The following NPM1 variants were observed in gnomAD, a reference collection of about 807,000 sequenced individuals.
The protein encoded by NPM1 is nucleophosmin.
NPM1 carries 1 observed loss-of-function variant against 44.1 expected under a neutral mutation model. The observed-to-expected ratio is 0.02, with a 90% CI of 0.01 to 0.11. The LOEUF (loss-of-function observed/expected upper bound fraction) is 0.11, where lower values mean the gene tolerates loss of function less well. Ranked by LOEUF, NPM1 falls within the 10% of genes least tolerant of loss-of-function variation. NPM1 has a pLI of 1.00. For synonymous variants in NPM1, 126 were observed against 111.8 expected (o/e 1.13, Z -0.80); for missense variants, 197 against 347.8 (o/e 0.57, Z 3.45).
intron 8 of NPM1, among the ~76,000 whole-genome samples, chr5:171,403,221 C>T (rs1771328528): frequency 1.1e-5 from 1 of 91,726 alleles, no homozygotes; most frequent in Non-Finnish European, 2.3e-5. Context: ...AACGAGCATG[C>T]TGCCTTCAAG....
At chr5:171,396,139 C>T (rs1355895146) in intron 6 of NPM1, among the ~76,000 whole-genome samples, 1 of 151,952 alleles carries the variant, frequency 6.6e-6, no homozygotes. Flanking sequence ...GCCAGCATGC[C>T]AGGCTAATTT....
intron 9 of NPM1, among the ~76,000 whole-genome samples, chr5:171,405,985 GAGGGTT>G (rs1432344851): frequency 1.3e-5 from 2 of 152,192 alleles, no homozygotes; most frequent in Non-Finnish European, 2.9e-5. Flanking sequence ...AATGTGGGAA[GAGGGTT>G]AGGTCTCTCA....
chr5:171,402,973 A>T (rs200033491), intron 8 of NPM1, among the ~76,000 whole-genome samples: 477 of 89,868 alleles, frequency 5.3e-3, no homozygotes, highest in Non-Finnish European at 5.5e-3. Context: ...TTTTCATTTT[A>T]TTTATTTATT....
At position 171,407,586 on chromosome 5, in the gene NPM1, G is replaced by GAAA. The variant is rs1188737728; in HGVS notation, c.772-111_772-109dup. On this transcript the variant is annotated intron_variant, in intron 9 of 10. Transcript: ENST00000296930. ...CGGAGTATTCTTGGAAAGTTGAAGGGAAAAAGAATAAACTGATCCATGTAG... is the reference window on the plus strand; with the variant it reads ...CGGAGTATTCTTGGAAAGTTGAAGGGAAAAAAAAGAATAAACTGATCCATGTAG... 5.7e-6 allele frequency: 4 copies of GAAA among 704,254 alleles called. No individual in the cohort carries two copies. In the African/African-American group the frequency reaches 7.3e-5, roughly 13 times the overall value. 43.6% of individuals were successfully genotyped at this position (704,254 alleles called of 1,614,324 possible).
At chr5:171,398,111 A>G (rs1771006749) in intron 6 of NPM1, among the ~76,000 whole-genome samples, 1 of 151,668 alleles carries the variant, frequency 6.6e-6, no homozygotes, top group Admixed American at 6.5e-5. Context: ...GTATTCTGCA[A>G]ACAAGTCCCT....
intron 6 of NPM1, among the ~76,000 whole-genome samples, chr5:171,396,641 T>C (rs1368369008): frequency 4.6e-5 from 7 of 152,232 alleles, no homozygotes. Flanking sequence ...TATTTGCTAA[T>C]AGAGACTTCT....
intron 9 of NPM1, 186 bp from the exon 10 acceptor site, chr5:171,407,514 A>G (rs1771636001): frequency 3.4e-6 from 2 of 592,878 alleles, no homozygotes; most frequent in Middle Eastern, 4.5e-4. Context: ...TTGAATAGAG[A>G]TACTAGCCAT....
In NPM1 at chr5:171,391,493, A is replaced by G. The variant is rs554854531; in HGVS notation, c.258+69A>G. On this transcript the variant is annotated intron_variant, in intron 3 of 10. Transcript: ENST00000296930. ...TCTGTTTTAAGGTAGGTTTGGTGTC[A>G]TTTAGTTGTGCCAAGGAGATAGAAA... is the stretch of plus-strand genomic sequence containing the variant. 7 of 1,577,364 alleles carry G rather than the reference A, an allele frequency of 4.4e-6. No homozygotes were observed. In the East Asian group the frequency reaches 1.6e-4, roughly 35 times the overall value.
At chr5:171,407,876 C>G (rs1771652739) in intron 10 of NPM1, 102 bp downstream of exon 10, 2 of 694,826 alleles carry the variant, frequency 2.9e-6, no homozygotes, top group Non-Finnish European at 2.5e-6. Context: ...TTAAAAAGTT[C>G]CTAACCACAG....
At chr5:171,392,587 T>C (rs1353841545) in intron 4 of NPM1, 123 bp from the exon 5 acceptor site, 2 of 43,294 alleles carry the variant, frequency 4.6e-5, no homozygotes, top group African/African-American at 1.5e-4. Context: ...CCATGTGCTC[T>C]TTTTTTTTTT....
chr5:171,399,373 A>G (rs59829052), intron 6 of NPM1, among the ~76,000 whole-genome samples: 61,483 of 151,944 alleles, frequency 0.4, 12,453 homozygotes, highest in East Asian at 0.55. Flanking sequence ...AGCTTTTCAA[A>G]TAGCTAGGAC....
chr5:171,387,877 G>C lies in NPM1; in HGVS notation c.-72G>C, dbSNP rs984784034. ...TCCCTGGTGTGATTCCGTCCTGCGCGGTTGTTCTCTGGAGCAGCGTTCTTT... is the reference window on the plus strand; with the variant it reads ...TCCCTGGTGTGATTCCGTCCTGCGCCGTTGTTCTCTGGAGCAGCGTTCTTT... On this transcript the variant is annotated 5_prime_UTR_variant, in exon 1 of 11. Transcript: ENST00000296930. The C allele has an allele frequency of 7.2e-6, 10 of 1,395,490 alleles. No homozygotes were observed. Among genetic ancestry groups the C allele is most frequent in the Middle Eastern group, 2.5e-4 (1 of 4,060 alleles). 86.4% of individuals were successfully genotyped at this position (1,395,490 alleles called of 1,614,324 possible). A position where few individuals can be genotyped will look rare whatever the true frequency, so the allele number is the denominator to read the frequency against.
chr5:171,405,524 C>A, intron 9 of NPM1, 121 bp downstream of exon 9: 1 of 639,470 alleles, frequency 1.6e-6, no homozygotes, highest in Non-Finnish European at 2.8e-6. Context: ...TTGCCTGGTT[C>A]GTGGTATGAA....
At chr5:171,388,379 C>G (rs1160500585) in intron 1 of NPM1, among the ~76,000 whole-genome samples, 1 of 152,296 alleles carries the variant, frequency 6.6e-6, no homozygotes, top group East Asian at 1.9e-4. Flanking sequence ...ATGCCAGGCC[C>G]CGGGTTGGTG....
chr5:171,404,729 G>A (rs139156675), intron 8 of NPM1, among the ~76,000 whole-genome samples: 5,012 of 144,254 alleles, frequency 0.035, 133 homozygotes, highest in East Asian at 0.11. Flanking sequence ...CTTCCCAGAC[G>A]GGGTGGCGGC....
At chr5:171,391,109 G>A (rs2113164993) in intron 2 of NPM1, 196 bp from the exon 3 acceptor site, 1 of 574,240 alleles carries the variant, frequency 1.7e-6, no homozygotes, top group Non-Finnish European at 3.1e-6. Flanking sequence ...TAGCCTAGGT[G>A]TGTGTAGTAG....
At chr5:171,407,558 A>T in intron 9 of NPM1, 142 bp from the exon 10 acceptor site, 1 of 656,490 alleles carries the variant, frequency 1.5e-6, no homozygotes, top group Non-Finnish European at 2.7e-6. Flanking sequence ...CCTGAAAAAG[A>T]TACGGAGTAT....
chr5:171,388,126 G>A, intron 1 of NPM1, 120 bp downstream of exon 1: 2 of 914,106 alleles, frequency 2.2e-6, no homozygotes, highest in South Asian at 2.9e-5. Context: ...CCGACGGGAG[G>A]CCTGAGCGGG....
chr5:171,395,373 C>G (rs373595817), intron 6 of NPM1, among the ~76,000 whole-genome samples: 1 of 151,688 alleles, frequency 6.6e-6, no homozygotes, highest in Non-Finnish European at 1.5e-5. Context: ...GATCTCTGCT[C>G]GCTGCAACCT....
Sources: gnomAD v4.1 joint callset for allele counts (sites outside exome capture counted in the v4.1 genomes callset) on GRCh38, gnomAD v4.1.1 for gene constraint, MANE v1.5 for transcripts, NCBI Gene and HGNC (gene_info 2026-07-23, HGNC 2026-07-21) for gene names.